The following IQCE variants were observed in gnomAD, a reference collection of about 807,000 sequenced individuals.
IQCE encodes the protein IQ domain-containing protein E.
A neutral mutation model predicts 96.0 loss-of-function variants in IQCE; 115 were observed. The ratio of observed to expected loss-of-function variants is 1.20; its 90% CI spans 1.03 to 1.40. The LOEUF is 1.40. Among genes scored for constraint, IQCE ranks in the 40% most tolerant of loss-of-function variants. IQCE has a pLI of 0.00. For synonymous variants in IQCE, 412 were observed against 371.2 expected, an observed-to-expected ratio of 1.11 and a Z score of -1.26; for missense variants, 1,041 against 909.1, an observed-to-expected ratio of 1.15 and a Z score of -1.87.
intron 16 of IQCE, chr7:2,597,240 A>T: frequency 2.4e-6 from 1 of 417,218 alleles, no homozygotes; most frequent in Non-Finnish European, 5.0e-6. Flanking sequence ...GCCCTGGGTG[A>T]TTAAGGCTGA....
intron 21 of IQCE, among the ~76,000 whole-genome samples, chr7:2,608,991 C>T (rs1784994987): frequency 1.3e-5 from 2 of 152,210 alleles, no homozygotes; most frequent in Admixed American, 1.3e-4. Context: ...CATTTCCTTC[C>T]CTTTTTAAAA....
At chr7:2,561,691 G>GCCA (rs1435630573) in intron 1 of IQCE, among the ~76,000 whole-genome samples, 1 of 152,132 alleles carries the variant, frequency 6.6e-6, no homozygotes, top group East Asian at 1.9e-4. Context: ...AAAGTGCTGG[G>GCCA]ATTACTGGCC....
At chr7:2,597,874 G>A (rs1196700116) in intron 16 of IQCE, among the ~76,000 whole-genome samples, 8 of 152,122 alleles carry the variant, frequency 5.3e-5, no homozygotes, top group African/African-American at 1.9e-4. Context: ...CGCTATGTTG[G>A]CCAGGCTGGT....
intron 2 of IQCE, 64 bp downstream of exon 2, chr7:2,567,227 C>A: frequency 7.8e-7 from 1 of 1,287,380 alleles, no homozygotes; most frequent in Non-Finnish European, 1.1e-6. Flanking sequence ...GCAGACTGCA[C>A]TCGGAAGCGT....
chr7:2,578,584 C>T (rs925128054), intron 8 of IQCE, 58 bp downstream of exon 8: 4 of 1,566,058 alleles, frequency 2.6e-6, no homozygotes, highest in Non-Finnish European at 2.6e-6. Context: ...CTGGGGACAG[C>T]CACAGAGGGA....
chr7:2,560,689 G>A (rs1374278888), intron 1 of IQCE, among the ~76,000 whole-genome samples: 4 of 151,290 alleles, frequency 2.6e-5, no homozygotes, highest in East Asian at 4.0e-4. Flanking sequence ...CGGGCACGGC[G>A]GCTCATGCCT....
At position 2,614,489 on chromosome 7, in the gene IQCE, C is replaced by T. The variant is rs1785220623; in HGVS notation, c.*4327C>T. The T allele has an allele frequency of 6.6e-6, 1 of 152,222 alleles. No homozygotes were observed. The highest frequency in any genetic ancestry group is 1.5e-5 in the Non-Finnish European group (1 of 68,048). 9.4% of individuals were successfully genotyped at this position (152,222 alleles called of 1,614,324 possible). On this transcript the variant is annotated 3_prime_UTR_variant, in exon 22 of 22. Transcript: ENST00000402050. The stretch of plus-strand genomic sequence containing the variant: ...CTACCCTGTCTGGTACAGACCACGG[C>T]TGGGTAAGCACCCTTAAAAGCAACA...
chr7:2,602,676 C>T (rs1004968252), intron 18 of IQCE, among the ~76,000 whole-genome samples: 1 of 152,242 alleles, frequency 6.6e-6, no homozygotes, highest in Non-Finnish European at 1.5e-5. Flanking sequence ...CCCATGTCCC[C>T]TTCCCCTTGG....
At chr7:2,578,436 C>A (rs760075112) in intron 7 of IQCE, 40 bp from the exon 8 acceptor site, 1 of 1,613,140 alleles carries the variant, frequency 6.2e-7, no homozygotes, top group Non-Finnish European at 8.5e-7. Flanking sequence ...CTGGGGGCTA[C>A]ACCGAAGGCC....
intron 16 of IQCE, chr7:2,596,779 C>T (rs772988462): frequency 5.8e-6 from 2 of 347,582 alleles, no homozygotes; most frequent in East Asian, 7.5e-5. Flanking sequence ...CTCACTTTAG[C>T]GGAACAGAGG....
rs1783105357 is a variant in IQCE at position 2,586,296 on chromosome 7, A to T, written c.913A>T (p.Thr305Ser). ...LSLSRSVQEL[T>S]EENQSLKEDL... The stretch of plus-strand genomic sequence containing the variant: ...CTTGTCCCGGAGTGTCCAGGAGCTC[A>T]CGGAAGAGAACCAGAGCCTGAAGGA... Residue 305 changes from threonine (T) to serine (S), a missense_variant, in exon 12 of 22, where the codon ACG (threonine) becomes TCG (serine). By Grantham distance (58) the Thr-to-Ser change is moderately conservative. Transcript: ENST00000402050. 1 of 1,613,706 alleles carries T rather than the reference A, an allele frequency of 6.2e-7. No homozygotes were observed. The highest frequency in any genetic ancestry group is 8.5e-7 in the Non-Finnish European group (1 of 1,179,766).
At chr7:2,570,235 A>G (rs184846436) in intron 3 of IQCE, among the ~76,000 whole-genome samples, 3 of 152,222 alleles carry the variant, frequency 2.0e-5, no homozygotes, top group East Asian at 1.9e-4. Context: ...TCCGGGCAGT[A>G]TCAAACGCTG....
chr7:2,596,310 TA>T (rs1354435051), intron 16 of IQCE, among the ~76,000 whole-genome samples: 4 of 144,614 alleles, frequency 2.8e-5, no homozygotes, highest in African/African-American at 1.0e-4. Context: ...GGTCTGAAAA[TA>T]GAGGAGAGAG....
At chr7:2,597,540 G>A (rs1784137238) in intron 16 of IQCE, among the ~76,000 whole-genome samples, 1 of 152,262 alleles carries the variant, frequency 6.6e-6, no homozygotes, top group Admixed American at 6.5e-5. Context: ...TCTCCCTCCG[G>A]GGAGGGCTTT....
intron 9 of IQCE, among the ~76,000 whole-genome samples, chr7:2,583,394 A>C (rs1156700511): frequency 6.6e-6 from 1 of 152,078 alleles, no homozygotes; most frequent in Non-Finnish European, 1.5e-5. Context: ...CTGTTTACTC[A>C]CTTTGGAAAG....
At position 2,563,736 on chromosome 7, in the gene IQCE, T is replaced by C. The variant is rs531039498; in HGVS notation, c.37-3380T>C. Among the ~76,000 whole-genome samples, 30 of 150,722 alleles carry C rather than the reference T, an allele frequency of 2.0e-4. No homozygotes were observed. The East Asian group carries it at 5.5e-3, about 28-fold the overall frequency. ...AGTGAAACCCCGTCTCTACTAAAAA[T>C]ACAAAAAATTAGCCGGGCGTGGTGG... On this transcript the variant is annotated intron_variant, in intron 1 of 21. Transcript: ENST00000402050.
At position 2,570,755 on chromosome 7, in the gene IQCE, C is replaced by T. The variant is rs189724164; in HGVS notation, c.131-771C>T. 2.0e-3 allele frequency among the ~76,000 whole-genome samples: 303 copies of T among 152,222 alleles called. 6 individuals carry two copies. The highest frequency in any genetic ancestry group is 3.2e-4 in the Non-Finnish European group (22 of 68,012). On this transcript the variant is annotated intron_variant, in intron 3 of 21. Coordinates refer to ENST00000402050, the MANE Select transcript of IQCE (RefSeq NM_152558.5). ...TCAGATAAAGAATTTTAAAACATTT[C>T]CCTTACTTTCATACAAAATCAAGAA...
intron 1 of IQCE, among the ~76,000 whole-genome samples, chr7:2,564,198 C>G (rs948885660): frequency 6.6e-6 from 1 of 151,974 alleles, no homozygotes; most frequent in African/African-American, 2.4e-5. Context: ...GGCAACAGAG[C>G]AAGACTCCAC....
intron 5 of IQCE, 133 bp downstream of exon 5, chr7:2,572,459 T>C (rs966038105): frequency 2.1e-6 from 2 of 933,016 alleles, no homozygotes; most frequent in Non-Finnish European, 3.1e-6. Context: ...TGGGAGGTTT[T>C]GGGAGGTCGT....
Sources: allele counts gnomAD v4.1 joint callset (sites outside exome capture counted in the v4.1 genomes callset), GRCh38; gene constraint gnomAD v4.1.1; transcripts MANE v1.5; gene names NCBI Gene and HGNC (gene_info 2026-07-23, HGNC 2026-07-21).